Variants in PPP1R12A observed in about 807,000 individuals in gnomAD.
PPP1R12A encodes protein phosphatase 1 regulatory subunit 12A.
PPP1R12A carries 19 observed loss-of-function variants against 139.6 expected under a neutral mutation model. The observed-to-expected ratio is 0.14, with a 90% CI of 0.09 to 0.20. PPP1R12A has a LOEUF of 0.20. Ranked by LOEUF, PPP1R12A falls within the 10% of genes least tolerant of loss-of-function variation. PPP1R12A has a pLI of 1.00. For missense variants in PPP1R12A, 925 were observed against 1,211.5 expected (o/e 0.76, Z 3.51); for synonymous variants, 427 against 420.6 (o/e 1.02, Z -0.19).
In PPP1R12A at chr12:79,842,585, G is replaced by A. The variant is rs1054019457; in HGVS notation, c.487+2717C>T. Among the ~76,000 whole-genome samples, 1,117 of 150,074 alleles carry A rather than the reference G, an allele frequency of 7.4e-3. 36 individuals are homozygous for A. The highest frequency in any genetic ancestry group is 0.013 in the East Asian group (65 of 5,086). Reference sequence around the variant, plus strand: ...ATCACATGTGGCACTTTGTGTGTGTGTGTGTGTGTGTGTGTGTGTGTGTGT... The same window carrying A: ...ATCACATGTGGCACTTTGTGTGTGTATGTGTGTGTGTGTGTGTGTGTGTGT... On this transcript the variant is annotated intron_variant, in intron 3 of 24. Coordinates refer to ENST00000450142, the MANE Select transcript of PPP1R12A (RefSeq NM_002480.3).
chr12:79,935,186 C>G, upstream of PPP1R12A: 1 of 1,331,250 alleles, frequency 7.5e-7, no homozygotes, highest in East Asian at 3.1e-5. Context: ...GGCGGCCAAT[C>G]TAACGTAACT....
intron 5 of PPP1R12A, chr12:79,823,923 G>A (rs1423558771): frequency 6.6e-6 from 1 of 152,112 alleles, no homozygotes; most frequent in African/African-American, 2.4e-5. Context: ...ATAAAATACT[G>A]CTTTTTCAAA....
At chr12:79,902,738 T>G (rs2137481044) in intron 1 of PPP1R12A, among the ~76,000 whole-genome samples, 1 of 152,290 alleles carries the variant, frequency 6.6e-6, no homozygotes, top group East Asian at 1.9e-4. Context: ...CATTTTTATA[T>G]TACAGGTTGA....
chr12:79,852,883 G>C (rs1360769308), intron 2 of PPP1R12A, among the ~76,000 whole-genome samples: 1 of 152,150 alleles, frequency 6.6e-6, no homozygotes, highest in African/African-American at 2.4e-5. Flanking sequence ...TCTCCAATAG[G>C]ACTCCTCTGA....
intron 1 of PPP1R12A, among the ~76,000 whole-genome samples, chr12:79,877,117 T>C (rs1224786894): frequency 3.9e-5 from 6 of 152,134 alleles, no homozygotes; most frequent in Non-Finnish European, 5.9e-5. Flanking sequence ...TAATTTAATC[T>C]TTTTGGACGT....
chr12:79,853,267 T>A (rs954665278), intron 2 of PPP1R12A, among the ~76,000 whole-genome samples: 1 of 152,198 alleles, frequency 6.6e-6, no homozygotes, highest in African/African-American at 2.4e-5. Flanking sequence ...TGCTGGCGCT[T>A]TCTTTGTCTG....
At position 79,901,914 on chromosome 12, in the gene PPP1R12A, T is replaced by C. The variant is rs148996203; in HGVS notation, c.238-28976A>G. 3.4e-4 allele frequency among the ~76,000 whole-genome samples: 52 copies of C among 152,096 alleles called. 2 individuals carry two copies. The East Asian group carries it at 9.6e-3, about 28-fold the overall frequency. ...CCTTTTACAAAACTTAAAGAACGAA[T>C]AGGAGTTAAGAGAAGGTGAGGATAA... On this transcript the variant is annotated intron_variant, in intron 1 of 24. Coordinates refer to ENST00000450142, the MANE Select transcript of PPP1R12A (RefSeq NM_002480.3).
intron 3 of PPP1R12A, 160 bp from the exon 4 acceptor site, chr12:79,832,651 T>G: frequency 1.6e-6 from 1 of 624,446 alleles, no homozygotes; most frequent in Non-Finnish European, 2.5e-6. Context: ...CTAAAAAATG[T>G]GGGGATATTG....
chr12:79,910,869 A>T (rs1027868029), intron 1 of PPP1R12A, among the ~76,000 whole-genome samples: 1 of 152,222 alleles, frequency 6.6e-6, no homozygotes, highest in Non-Finnish European at 1.5e-5. Context: ...AAAAAGCCCT[A>T]ACTTCTTAAT....
intron 1 of PPP1R12A, among the ~76,000 whole-genome samples, chr12:79,895,798 G>A (rs1885076038): frequency 6.6e-6 from 1 of 151,912 alleles, no homozygotes; most frequent in Non-Finnish European, 1.5e-5. Context: ...TATATGCTGG[G>A]AATACAAAAA....
At chr12:79,776,618 A>G (rs1198542393) in intron 24 of PPP1R12A, among the ~76,000 whole-genome samples, 3 of 152,064 alleles carry the variant, frequency 2.0e-5, no homozygotes, top group Non-Finnish European at 4.4e-5. Flanking sequence ...TGTTTAAGCT[A>G]AAGTAGAAAG....
intron 2 of PPP1R12A, among the ~76,000 whole-genome samples, chr12:79,865,694 A>T (rs1334676566): frequency 6.6e-6 from 1 of 152,216 alleles, no homozygotes; most frequent in African/African-American, 2.4e-5. Flanking sequence ...AGAGAGCCAG[A>T]TCATGAGTGA....
At chr12:79,917,586 C>T (rs1887103398) in intron 1 of PPP1R12A, among the ~76,000 whole-genome samples, 1 of 151,714 alleles carries the variant, frequency 6.6e-6, no homozygotes, top group Non-Finnish European at 1.5e-5. Flanking sequence ...TCAAAATAAC[C>T]CAACCTTTCT....
chr12:79,809,671 C>A, intron 10 of PPP1R12A, 124 bp downstream of exon 10: 1 of 691,396 alleles, frequency 1.4e-6, no homozygotes, highest in Non-Finnish European at 2.4e-6. Context: ...TTATGTAATT[C>A]ATTAAGGTTA....
chr12:79,849,606 A>AAAAC lies in PPP1R12A; in HGVS notation c.369-4190_369-4187dup, dbSNP rs561702775. 1.2e-3 allele frequency among the ~76,000 whole-genome samples: 176 copies of AAAAC among 152,302 alleles called. 2 individuals are homozygous for AAAAC. The East Asian group carries it at 0.019, about 17-fold the overall frequency. ...AGTTATTCTAAGATTCCTTGGAAAGAAAACAAACAAACAAACAAACAAAAA... is the reference window on the plus strand; with the variant it reads ...AGTTATTCTAAGATTCCTTGGAAAGAAAACAAACAAACAAACAAACAAACAAAAA... On this transcript the variant is annotated intron_variant, in intron 2 of 24. Coordinates refer to ENST00000450142, the MANE Select transcript of PPP1R12A (RefSeq NM_002480.3).
In PPP1R12A at chr12:79,775,723, A is replaced by G. The variant is rs1051521870; in HGVS notation, c.*206T>C. ...ATGAAACAATGGTCTTGATTAAAAA[A>G]AAAAAACAAAAAACAAACCAACAAC... On this transcript the variant is annotated 3_prime_UTR_variant, in exon 25 of 25. Transcript: ENST00000450142. 4 of 387,532 alleles carry G rather than the reference A, an allele frequency of 1.0e-5. No homozygotes were observed. The highest frequency in any genetic ancestry group is 6.3e-5 in the African/African-American group (3 of 47,904). The allele number at this position is 387,532 out of a possible 1,614,324, so 24.0% of individuals were successfully genotyped here.
At chr12:79,864,113 A>G (rs1484169080) in intron 2 of PPP1R12A, among the ~76,000 whole-genome samples, 3 of 152,214 alleles carry the variant, frequency 2.0e-5, no homozygotes, top group Non-Finnish European at 4.4e-5. Flanking sequence ...AGCAAATGTA[A>G]AAGAACAGAA....
intron 5 of PPP1R12A, among the ~76,000 whole-genome samples, chr12:79,826,901 A>G (rs1188619414): frequency 6.6e-6 from 1 of 152,178 alleles, no homozygotes; most frequent in East Asian, 1.9e-4. Flanking sequence ...TGAACCAATT[A>G]TCAGCACTGC....
intron 13 of PPP1R12A, 36 bp from the exon 14 acceptor site, chr12:79,805,804 A>G (rs1565749287): frequency 6.4e-7 from 1 of 1,569,202 alleles, no homozygotes; most frequent in Admixed American, 1.8e-5. Flanking sequence ...AAAAAGAGAA[A>G]AGGAAAACAG....
Sources: gnomAD v4.1 joint callset for allele counts (sites outside exome capture counted in the v4.1 genomes callset) on GRCh38, gnomAD v4.1.1 for gene constraint, MANE v1.5 for transcripts, NCBI Gene and HGNC (gene_info 2026-07-23, HGNC 2026-07-21) for gene names.